The following NEK5 variants were observed in gnomAD, a reference collection of about 807,000 sequenced individuals.
NEK5 encodes the protein serine/threonine-protein kinase Nek5.
NEK5 carries 88 observed loss-of-function variants against 109.2 expected under a neutral mutation model. That is an observed-to-expected ratio of 0.81 (90% CI 0.68 to 0.96). The LOEUF (loss-of-function observed/expected upper bound fraction) is 0.96, where lower values mean the gene tolerates loss of function less well. Ranked by LOEUF, NEK5 falls within the 40% of genes least tolerant of loss-of-function variation. The pLI is 0.00. For synonymous variants in NEK5, 283 were observed against 299.9 expected, an observed-to-expected ratio of 0.94 and a Z score of 0.58; for missense variants, 834 against 920.7, an observed-to-expected ratio of 0.91 and a Z score of 1.22.
intron 12 of NEK5, among the ~76,000 whole-genome samples, chr13:52,096,822 A>G (rs1048370696): frequency 6.6e-6 from 1 of 152,230 alleles, no homozygotes; most frequent in Non-Finnish European, 1.5e-5. Flanking sequence ...GTTAGCCAAG[A>G]TAATGGGGGA....
At chr13:52,110,113 G>A (rs948819469) in intron 7 of NEK5, among the ~76,000 whole-genome samples, 1 of 152,060 alleles carries the variant, frequency 6.6e-6, no homozygotes, top group Admixed American at 6.5e-5. Flanking sequence ...ATCCATATTT[G>A]AGAAACTGGA....
chr13:52,079,869 G>GGCA (rs1954948666), intron 17 of NEK5, among the ~76,000 whole-genome samples: 1 of 151,644 alleles, frequency 6.6e-6, no homozygotes, highest in African/African-American at 2.4e-5. Flanking sequence ...GTCTCTGCCC[G>GGCA]GCCGCCCATC....
chr13:52,082,605 A>G (rs964862308), intron 17 of NEK5, among the ~76,000 whole-genome samples: 2 of 152,142 alleles, frequency 1.3e-5, no homozygotes, highest in African/African-American at 4.8e-5. Context: ...TTTATTTGTT[A>G]TTTCAACTCT....
chr13:52,071,193 A>G (rs991220293), intron 20 of NEK5, among the ~76,000 whole-genome samples: 1 of 152,132 alleles, frequency 6.6e-6, no homozygotes, highest in African/African-American at 2.4e-5. Context: ...AGTTCTCATA[A>G]GATAAGTAAA....
Position 52,065,481 on chromosome 13 carries a change from C to A in NEK5, c.1975+3G>T, listed in dbSNP as rs758114121. 1 of 1,614,134 alleles carries A rather than the reference C, an allele frequency of 6.2e-7. No homozygotes were observed. The stretch of plus-strand genomic sequence containing the variant: ...TGACGACTGACGCTAAGCACAGACT[C>A]ACTGTCAGGCCCCGTGGGGCAGGTG... On this transcript the variant is annotated splice_donor_region_variant and intron_variant, in intron 21 of 23. Coordinates refer to ENST00000684899, the MANE Select transcript of NEK5 (RefSeq NM_001365552.1).
At chr13:52,053,142 A>T (rs963136302) in intron 22 of NEK5, among the ~76,000 whole-genome samples, 3 of 152,092 alleles carry the variant, frequency 2.0e-5, no homozygotes, top group Non-Finnish European at 2.9e-5. Flanking sequence ...CTGTACTAAA[A>T]ATACAAAAAT....
intron 16 of NEK5, among the ~76,000 whole-genome samples, chr13:52,085,783 A>G (rs1955129369): frequency 6.6e-6 from 1 of 152,206 alleles, no homozygotes; most frequent in Admixed American, 6.5e-5. Flanking sequence ...TGAATTTCCA[A>G]TGTGGCGCCT....
At position 52,035,567 on chromosome 13, in the gene NEK5, A is replaced by G. The variant is rs1350346272; in HGVS notation, c.*1381T>C. On this transcript the variant is annotated 3_prime_UTR_variant, in exon 24 of 24. Coordinates refer to ENST00000684899, the MANE Select transcript of NEK5 (RefSeq NM_001365552.1). ...TTCAACGTTGGAATTGTTATGATCAATTTTAAAAAGTTAGTTTTCCTACAC... is the reference window on the plus strand; with the variant it reads ...TTCAACGTTGGAATTGTTATGATCAGTTTTAAAAAGTTAGTTTTCCTACAC... The G allele has an allele frequency of 6.6e-6, 1 of 152,240 alleles. No individual in the cohort carries two copies. The allele number at this position is 152,240 out of a possible 1,614,324, so 9.4% of individuals were successfully genotyped here.
At chr13:52,100,781 C>A (rs1447963589) in intron 11 of NEK5, among the ~76,000 whole-genome samples, 2 of 152,192 alleles carry the variant, frequency 1.3e-5, no homozygotes, top group African/African-American at 4.8e-5. Context: ...GTCCCATACT[C>A]TGTACTTGTC....
chr13:52,072,081 T>C lies in NEK5; in HGVS notation c.1723-11A>G, dbSNP rs1015795272. Reference sequence around the variant, plus strand: ...TGGTATATCCATTGCCTAAATCAATTCCACAGTGTTTCATGATAAATTAGC... The same window carrying C: ...TGGTATATCCATTGCCTAAATCAATCCCACAGTGTTTCATGATAAATTAGC... On this transcript the variant is annotated splice_polypyrimidine_tract_variant and intron_variant, in intron 19 of 23. Coordinates refer to ENST00000684899, the MANE Select transcript of NEK5 (RefSeq NM_001365552.1). The C allele has an allele frequency of 1.2e-6, 2 of 1,601,664 alleles. No individual in the cohort carries two copies. Among genetic ancestry groups the C allele is most frequent in the Non-Finnish European group, 1.7e-6 (2 of 1,173,756 alleles).
intron 23 of NEK5, among the ~76,000 whole-genome samples, chr13:52,047,958 G>T (rs1954473513): frequency 6.6e-6 from 1 of 152,178 alleles, no homozygotes; most frequent in Non-Finnish European, 1.5e-5. Context: ...GTTCTATACA[G>T]TAGCAGTAGT....
At chr13:52,104,462 A>G (rs374815491) in intron 9 of NEK5, 36 bp downstream of exon 9, 11 of 1,426,904 alleles carry the variant, frequency 7.7e-6, no homozygotes, top group Middle Eastern at 1.8e-4. Context: ...TACAATTCCA[A>G]TAATTCAAGA....
chr13:52,064,724 T>G, intron 21 of NEK5: 1 of 235,032 alleles, frequency 4.3e-6, no homozygotes, highest in South Asian at 4.7e-5. Context: ...ATGGTTGCCG[T>G]GTCTGTGTAG....
intron 16 of NEK5, among the ~76,000 whole-genome samples, chr13:52,084,758 AGAGAGTGTGTGTGTGT>A (rs1296611552): frequency 4.0e-3 from 179 of 45,124 alleles, no homozygotes; most frequent in African/African-American, 8.2e-3. Context: ...AGAGAGAGAG[AGAGAGTGTGTGTGTGT>A]GTGTGTGTGT....
At chr13:52,127,173 T>C (rs542759574) in intron 3 of NEK5, among the ~76,000 whole-genome samples, 193 bp downstream of exon 3, 33 of 152,350 alleles carry the variant, frequency 2.2e-4, no homozygotes, top group African/African-American at 7.0e-4. Flanking sequence ...GGTGAGCCAG[T>C]GCGTCCAGCC....
intron 11 of NEK5, among the ~76,000 whole-genome samples, 191 bp from the exon 12 acceptor site, chr13:52,100,067 AT>A (rs1955499512): frequency 6.6e-6 from 1 of 152,198 alleles, no homozygotes; most frequent in Admixed American, 6.5e-5. Context: ...GAAAAAAACC[AT>A]TTTTTCAGAG....
At chr13:52,071,511 G>T (rs1237890447) in intron 20 of NEK5, among the ~76,000 whole-genome samples, 3 of 152,182 alleles carry the variant, frequency 2.0e-5, no homozygotes, top group Admixed American at 2.0e-4. Context: ...ACTTACAATT[G>T]TGTTGATAAA....
At chr13:52,128,083 C>A (rs1956103792) in intron 1 of NEK5, among the ~76,000 whole-genome samples, 1 of 152,158 alleles carries the variant, frequency 6.6e-6, no homozygotes, top group Non-Finnish European at 1.5e-5. Flanking sequence ...GCCCTACAAT[C>A]TTGGAGAGTC....
chr13:52,095,087 C>T (rs1344924725), intron 12 of NEK5, among the ~76,000 whole-genome samples: 7 of 151,732 alleles, frequency 4.6e-5, no homozygotes, highest in African/African-American at 7.3e-5. Context: ...CAGTAAAAAA[C>T]AAAAAATTTT....
Sources: gnomAD v4.1 joint callset for allele counts (sites outside exome capture counted in the v4.1 genomes callset) on GRCh38, gnomAD v4.1.1 for gene constraint, MANE v1.5 for transcripts, NCBI Gene and HGNC (gene_info 2026-07-23, HGNC 2026-07-21) for gene names.